SMCO4: variants seen among roughly 807,000 people sequenced by gnomAD.
SMCO4 encodes single-pass membrane and coiled-coil domain-containing protein 4.
In SMCO4, 4 loss-of-function variants were observed where a neutral mutation model predicts 3.6. The ratio of observed to expected loss-of-function variants is 1.11; its 90% CI spans 0.54 to 2.53. The LOEUF (loss-of-function observed/expected upper bound fraction) is 2.53. Ranked by LOEUF, SMCO4 falls within the 30% of genes most tolerant of loss-of-function variation. The pLI, the probability that SMCO4 is intolerant of heterozygous loss-of-function variation, is 0.02. For missense variants in SMCO4, 70 were observed against 80.8 expected (o/e 0.87, Z 0.51); for synonymous variants, 36 against 35.3 (o/e 1.02, Z -0.07).
intron 2 of SMCO4, among the ~76,000 whole-genome samples, chr11:93,480,329 G>A (rs959794917): frequency 1.3e-5 from 2 of 152,120 alleles, no homozygotes; most frequent in South Asian, 4.1e-4. Context: ...ATGGGCACTG[G>A]AGCAGGAGGT....
Position 93,483,255 on chromosome 11 carries a change from C to A in SMCO4, c.-80-3986G>T, listed in dbSNP as rs74678903. On this transcript the variant is annotated intron_variant, in intron 2 of 2. Coordinates refer to ENST00000298966, the MANE Select transcript of SMCO4 (RefSeq NM_020179.3). ...CAATCACTTTTGGAGGGTGGAAAGG[C>A]CACCACAGAGCACTGTCCATGCCCG... 1.2e-4 allele frequency among the ~76,000 whole-genome samples: 19 copies of A among 152,272 alleles called. No individual in the cohort carries two copies. In the East Asian group the frequency reaches 3.7e-3, roughly 30 times the overall value.
At chr11:93,549,069 T>G in the SMCO4 span, among the ~76,000 whole-genome samples, 1 of 152,208 alleles carries the variant, frequency 6.6e-6, no homozygotes, top group East Asian at 1.9e-4. Context: ...TAGGAAGTCC[T>G]TAGTTTTCCT....
At chr11:93,501,328 G>A (rs1317598067) in intron 1 of SMCO4, among the ~76,000 whole-genome samples, 1 of 152,210 alleles carries the variant, frequency 6.6e-6, no homozygotes, top group African/African-American at 2.4e-5. Flanking sequence ...AGTTTCCTGA[G>A]GCTGCCATAA....
At chr11:93,513,897 A>C (rs1948981220) in intron 1 of SMCO4, among the ~76,000 whole-genome samples, 1 of 152,208 alleles carries the variant, frequency 6.6e-6, no homozygotes, top group South Asian at 2.1e-4. Flanking sequence ...GGCTCCCGCC[A>C]AATGTCTTTC....
the SMCO4 span, among the ~76,000 whole-genome samples, chr11:93,549,296 C>T: frequency 2.0e-5 from 3 of 152,212 alleles, no homozygotes; most frequent in Non-Finnish European, 2.9e-5. Flanking sequence ...GCAATTCACC[C>T]CAAGCCTGGT....
At chr11:93,543,210 TGCCCCGC>T (rs1949286979) in intron 1 of SMCO4, 59 bp downstream of exon 1, 2 of 122,918 alleles carry the variant, frequency 1.6e-5, no homozygotes, top group African/African-American at 5.3e-5. Context: ...CGGTGCCCCG[TGCCCCGC>T]GCCCGCCCGC....
At chr11:93,527,070 C>T (rs912625029) in intron 1 of SMCO4, among the ~76,000 whole-genome samples, 4 of 152,204 alleles carry the variant, frequency 2.6e-5, no homozygotes, top group Non-Finnish European at 5.9e-5. Context: ...CCTTGGCAAC[C>T]GCTGACAGGC....
chr11:93,494,725 G>C (rs924433948), intron 2 of SMCO4, among the ~76,000 whole-genome samples: 1 of 152,192 alleles, frequency 6.6e-6, no homozygotes. Flanking sequence ...ACTAATAAAA[G>C]GACTTGCATA....
chr11:93,512,819 G>C (rs1374597660), intron 1 of SMCO4, among the ~76,000 whole-genome samples: 1 of 152,218 alleles, frequency 6.6e-6, no homozygotes, highest in Non-Finnish European at 1.5e-5. Flanking sequence ...GGTGGCTCCA[G>C]TAAGTGCTGT....
chr11:93,550,899 T>C, the SMCO4 span, among the ~76,000 whole-genome samples: 3 of 152,340 alleles, frequency 2.0e-5, no homozygotes, highest in South Asian at 2.1e-4. Flanking sequence ...GTGACTCATA[T>C]ACCAGCTGTA....
intron 2 of SMCO4, among the ~76,000 whole-genome samples, chr11:93,486,859 T>C (rs1948655813): frequency 6.6e-6 from 1 of 152,196 alleles, no homozygotes; most frequent in Non-Finnish European, 1.5e-5. Flanking sequence ...TCTCCTTTTC[T>C]AAAGTTTCAA....
intron 2 of SMCO4, among the ~76,000 whole-genome samples, chr11:93,492,233 C>A (rs894083275): frequency 2.6e-5 from 4 of 152,192 alleles, no homozygotes; most frequent in African/African-American, 9.7e-5. Flanking sequence ...TGCACAGATT[C>A]ATTTACTCAC....
At chr11:93,539,118 G>A (rs1949252166) in intron 1 of SMCO4, among the ~76,000 whole-genome samples, 2 of 152,132 alleles carry the variant, frequency 1.3e-5, no homozygotes, top group Admixed American at 6.5e-5. Context: ...TGTGTGTTGG[G>A]AATAGCATGA....
At chr11:93,536,539 T>C (rs1000419860) in intron 1 of SMCO4, among the ~76,000 whole-genome samples, 3 of 152,180 alleles carry the variant, frequency 2.0e-5, no homozygotes, top group Admixed American at 6.5e-5. Flanking sequence ...AAAAGCAGTA[T>C]GATGCAATCA....
intron 1 of SMCO4, chr11:93,535,520 C>T (rs1276118943): frequency 7.1e-7 from 1 of 1,404,944 alleles, no homozygotes; most frequent in Non-Finnish European, 1.0e-6. Context: ...CAGACTTTTC[C>T]AGAAGTGCTG....
chr11:93,551,105 CA>C, the SMCO4 span, among the ~76,000 whole-genome samples: 1 of 151,606 alleles, frequency 6.6e-6, no homozygotes, highest in East Asian at 1.9e-4. Flanking sequence ...AATATAAAAG[CA>C]AAAAAGACAT....
intron 1 of SMCO4, 36 bp downstream of exon 1, chr11:93,543,240 C>CCCGCCGCCG (rs1240200128): frequency 5.5e-5 from 8 of 146,504 alleles, no homozygotes; most frequent in African/African-American, 1.2e-4. Context: ...GCTCGCCCGC[C>CCCGCCGCCG]CCGCCGCCGC....
At chr11:93,527,511 C>A (rs1949120061) in intron 1 of SMCO4, among the ~76,000 whole-genome samples, 1 of 152,156 alleles carries the variant, frequency 6.6e-6, no homozygotes, top group Admixed American at 6.5e-5. Context: ...GGCTGGAGTG[C>A]AGGGACATGA....
chr11:93,488,201 C>G lies in SMCO4; in HGVS notation c.-80-8932G>C, dbSNP rs367937024. Among the ~76,000 whole-genome samples the G allele has an allele frequency of 4.1e-4, 63 of 152,298 alleles. 1 individual carries two copies. In the East Asian group the frequency reaches 0.012, roughly 29 times the overall value. ...CAGGGGGAAGATCTTCCAGGCAGGG[C>G]AGGACCCATGCACAGACCCTCAGGC... On this transcript the variant is annotated intron_variant, in intron 2 of 2. Transcript: ENST00000298966.
Sources: gnomAD v4.1 joint callset for allele counts (sites outside exome capture counted in the v4.1 genomes callset) on GRCh38, gnomAD v4.1.1 for gene constraint, MANE v1.5 for transcripts, NCBI Gene and HGNC (gene_info 2026-07-23, HGNC 2026-07-21) for gene names.